Variants in PRRT4 observed in about 807,000 individuals in gnomAD.
PRRT4 encodes the protein proline rich transmembrane protein 4.
In PRRT4, 59 loss-of-function variants were observed where a neutral mutation model predicts 55.6. The ratio of observed to expected loss-of-function variants is 1.06; its 90% CI spans 0.86 to 1.32. PRRT4 has a LOEUF of 1.32. Ranked by LOEUF, PRRT4 falls within the 40% of genes most tolerant of loss-of-function variation. The pLI is 0.00. For synonymous variants in PRRT4, 606 were observed against 601.8 expected (o/e 1.01, Z -0.10); for missense variants, 1,217 against 1,222.0 (o/e 1.00, Z 0.06).
At position 128,352,247 on chromosome 7, in the gene PRRT4, G is replaced by A. The variant is rs1286919166; in HGVS notation, c.1309C>T (p.Gln437Ter). 6.5e-7 allele frequency: 1 copy of A among 1,541,572 alleles called. No homozygotes were observed. Among genetic ancestry groups the A allele is most frequent in the Non-Finnish European group, 8.7e-7 (1 of 1,145,914 alleles). ...GCCAAGCAGGGCAGCGGAAGGTCCT[G>A]CAGCAGCAGCCAGGCGAGCGCGGGC... The change falls in exon 5 of 5, where the codon CAG becomes TAG. Residue 437 changes from glutamine (Q) to a stop codon, truncating the protein, a stop_gained. Coordinates refer to ENST00000535159, the Ensembl canonical transcript of PRRT4. LOFTEE classifies it high-confidence loss of function.
intron 4 of PRRT4, among the ~76,000 whole-genome samples, chr7:128,357,236 ACTCTCTCTCTCT>A (rs60699919): frequency 2.3e-4 from 32 of 140,880 alleles, no homozygotes; most frequent in Non-Finnish European, 2.6e-4. Context: ...ACACACACAC[ACTCTCTCTCTCT>A]CTCTCTCTCT....
chr7:128,352,722 C>G, intron 4 of PRRT4, 44 bp from the exon 6 acceptor site: 1 of 1,464,338 alleles, frequency 6.8e-7, no homozygotes, highest in East Asian at 2.5e-5. Context: ...ATGCAGCCCT[C>G]CCCTTACCCA....
chr7:128,351,709 G>C (rs754185744), exon 5 of PRRT4: 1 of 1,490,066 alleles, frequency 6.7e-7, no homozygotes, highest in South Asian at 1.3e-5. Context: ...GCCCAGCAGC[G>C]CCAACGGGAG....
In PRRT4 at chr7:128,357,444, A is replaced by G. The variant is rs561197044; in HGVS notation, c.877+1237T>C. Among the ~76,000 whole-genome samples, 3 of 152,236 alleles carry G rather than the reference A, an allele frequency of 2.0e-5. No individual in the cohort carries two copies. The East Asian group carries it at 5.8e-4, about 29-fold the overall frequency. ...GCCTCTGATACTGTCCAGACTCATT[A>G]AACCTGCCTGGCCAGCGCTGTCACC... On this transcript the variant is annotated intron_variant, in intron 4 of 4. Coordinates refer to ENST00000535159, the Ensembl canonical transcript of PRRT4.
At chr7:128,350,723 AC>A, downstream of PRRT4, 1 of 1,368,980 alleles carries the variant, frequency 7.3e-7, no homozygotes, top group Non-Finnish European at 9.8e-7. Context: ...CCACCCAGGG[AC>A]CCCTGGATGG....
chr7:128,354,457 T>C (rs1482323333), intron 4 of PRRT4, among the ~76,000 whole-genome samples: 1 of 151,904 alleles, frequency 6.6e-6, no homozygotes. Flanking sequence ...CCAGCTACTC[T>C]GGAGGCTGAG....
intron 4 of PRRT4, among the ~76,000 whole-genome samples, chr7:128,353,763 G>A (rs1797051971): frequency 1.3e-5 from 2 of 152,190 alleles, no homozygotes; most frequent in Admixed American, 1.3e-4. Context: ...ATCATAGTGG[G>A]ATAAAATGCC....
At chr7:128,357,209 T>TACACACACACACACAC (rs763703914) in intron 4 of PRRT4, among the ~76,000 whole-genome samples, 4 of 127,274 alleles carry the variant, frequency 3.1e-5, no homozygotes, top group Admixed American at 7.8e-5. Context: ...TTGATACAAA[T>TACACACACACACACAC]ACACACACAC....
chr7:128,351,973 GC>G lies in PRRT4; in HGVS notation c.1582del (p.Ala528ArgfsTer43). ...CTTGAAGCCCGACCCTCCCAGGGGC[GC>G]CCCGGCCCGCCGCCGCCGCCCGCCC... On this transcript the variant is annotated frameshift_variant, in exon 5 of 5. Coordinates refer to ENST00000535159, the Ensembl canonical transcript of PRRT4. LOFTEE classifies it high-confidence loss of function. The G allele has an allele frequency of 1.5e-6, 2 of 1,297,088 alleles. No homozygotes were observed. The allele number at this position is 1,297,088 out of a possible 1,614,324, so 80.3% of individuals were successfully genotyped here. A position where few individuals can be genotyped will look rare whatever the true frequency, so the allele number is the denominator to read the frequency against.
chr7:128,360,046 C>G, exon 2 of PRRT4: 3 of 1,275,992 alleles, frequency 2.4e-6, no homozygotes, highest in Non-Finnish European at 3.0e-6. Flanking sequence ...TGTTCAGCAG[C>G]TTTTGAGGAG....
exon 5 of PRRT4, chr7:128,351,684 G>A (rs1474344777): frequency 6.6e-7 from 1 of 1,511,244 alleles, no homozygotes; most frequent in East Asian, 2.7e-5. Context: ...GAGGACTGCA[G>A]AGCGCCGGGT....
exon 5 of PRRT4, chr7:128,352,041 G>T: frequency 7.7e-7 from 1 of 1,294,998 alleles, no homozygotes. Flanking sequence ...GGAAAGCGGC[G>T]AGAAAGGCGT....
chr7:128,359,076 T>C, intron 3 of PRRT4, 73 bp downstream of exon 4: 1 of 1,455,480 alleles, frequency 6.9e-7, no homozygotes, highest in Non-Finnish European at 9.4e-7. Flanking sequence ...AGAAAGGTAC[T>C]TGTTAGGCTC....
chr7:128,350,581 C>G (rs1796933451), downstream of PRRT4: 1 of 504,558 alleles, frequency 2.0e-6, no homozygotes, highest in Non-Finnish European at 3.6e-6. Context: ...CACCTTGGAG[C>G]TTTATTGCTG....
chr7:128,352,123 G>GCCAGCC (rs1164474692), exon 5 of PRRT4: 11 of 1,183,384 alleles, frequency 9.3e-6, no homozygotes, highest in Non-Finnish European at 1.0e-5. Flanking sequence ...GGCGGCGGCC[G>GCCAGCC]CCAGCCCCAG....
downstream of PRRT4, chr7:128,350,613 A>AC: frequency 1.7e-6 from 1 of 591,192 alleles, no homozygotes. Flanking sequence ...GGAAAATGGG[A>AC]CCCCTGCCAA....
chr7:128,359,130 T>C lies in PRRT4; in HGVS notation c.757+19A>G. On this transcript the variant is annotated intron_variant, in intron 3 of 4. Coordinates refer to ENST00000535159, the Ensembl canonical transcript of PRRT4. ...CGTAGAGTGTTCCACAATAGTTTAT[T>C]GCAATGAAATAAACTCACCCAGAGA... 1 of 1,548,786 alleles carries C rather than the reference T, an allele frequency of 6.5e-7. No individual in the cohort carries two copies. Among genetic ancestry groups the C allele is most frequent in the Non-Finnish European group, 8.7e-7 (1 of 1,144,352 alleles).
chr7:128,361,662 C>T (rs1435817578), exon 1 of PRRT4: 1 of 152,392 alleles, frequency 6.6e-6, no homozygotes, highest in Non-Finnish European at 1.5e-5. Context: ...CGAAGCCGCC[C>T]GCGCCGGGGC....
chr7:128,361,099 T>TCACACA (rs1259634582), intron 1 of PRRT4, among the ~76,000 whole-genome samples: 1 of 127,454 alleles, frequency 7.8e-6, no homozygotes, highest in African/African-American at 3.4e-5. Context: ...TCTCTCTCTC[T>TCACACA]CTCTCACACA....
Sources: allele counts gnomAD v4.1 joint callset (sites outside exome capture counted in the v4.1 genomes callset), GRCh38; gene constraint gnomAD v4.1.1; transcripts MANE v1.5; gene names NCBI Gene and HGNC (gene_info 2026-07-23, HGNC 2026-07-21).